The following RAI14 variants were observed in gnomAD, a reference collection of about 807,000 sequenced individuals.
The protein encoded by RAI14 is retinoic acid induced 14, also known as ankycorbin.
Under a neutral mutation model 115.4 loss-of-function variants are expected in RAI14, and 45 were observed. That is an observed-to-expected ratio of 0.39 (90% CI 0.31 to 0.50). RAI14 has a LOEUF of 0.50. Among genes scored for constraint, RAI14 ranks in the 20% least tolerant of loss-of-function variants. The pLI is 0.85. For synonymous variants in RAI14, 371 were observed against 415.4 expected (o/e 0.89, Z 1.30); for missense variants, 939 against 1,131.2 (o/e 0.83, Z 2.44).
intron 2 of RAI14, chr5:34,728,596 G>T (rs144209356): frequency 5.3e-4 from 80 of 152,292 alleles, no homozygotes; most frequent in African/African-American, 1.7e-3. Flanking sequence ...TACCATGTGA[G>T]ATGTGCCTTT....
At chr5:34,808,806 G>A in intron 7 of RAI14, 152 bp downstream of exon 7, 1 of 718,138 alleles carries the variant, frequency 1.4e-6, no homozygotes. Context: ...TTCCATGGAT[G>A]GGGGTGGGGA....
chr5:34,657,140 TG>T (rs1196171876), intron 1 of RAI14: 3 of 149,048 alleles, frequency 2.0e-5, no homozygotes, highest in Non-Finnish European at 4.4e-5. Context: ...GAACGGATGC[TG>T]GAGTTGGGGC....
At chr5:34,756,377 C>T (rs1203087459) in intron 2 of RAI14, among the ~76,000 whole-genome samples, 2 of 152,208 alleles carry the variant, frequency 1.3e-5, no homozygotes, top group African/African-American at 4.8e-5. Flanking sequence ...TTCATCCCTT[C>T]AGAGGCTGCA....
At chr5:34,819,309 G>C (rs997086140) in intron 13 of RAI14, among the ~76,000 whole-genome samples, 1 of 152,138 alleles carries the variant, frequency 6.6e-6, no homozygotes, top group African/African-American at 2.4e-5. Context: ...TTAAGTTACT[G>C]TAGCCTATAT....
chr5:34,684,859 A>G (rs964799179), intron 1 of RAI14: 1 of 152,220 alleles, frequency 6.6e-6, no homozygotes, highest in African/African-American at 2.4e-5. Flanking sequence ...TAACTGTGGT[A>G]AACGTGTGCC....
chr5:34,817,895 T>G (rs1375666015), intron 12 of RAI14, among the ~76,000 whole-genome samples: 1 of 152,212 alleles, frequency 6.6e-6, no homozygotes, highest in Admixed American at 6.5e-5. Context: ...GACTATAGTG[T>G]TGGTTCCATA....
intron 3 of RAI14, among the ~76,000 whole-genome samples, chr5:34,780,065 A>G (rs1267832138): frequency 1.3e-5 from 2 of 152,136 alleles, no homozygotes; most frequent in Non-Finnish European, 2.9e-5. Context: ...CAGAAATAAT[A>G]CTACACATCT....
rs1203596185 is a variant in RAI14, at chr5:34,719,471, G to A, written c.36+32516G>A. On this transcript the variant is annotated intron_variant, in intron 2 of 17. Transcript: ENST00000265109. Reference sequence around the variant, plus strand: ...ATGCCTCTTGATGCAAGGTGGTTCTGGAGAGTATATGGGAACAGAAATCTT... The same window carrying A: ...ATGCCTCTTGATGCAAGGTGGTTCTAGAGAGTATATGGGAACAGAAATCTT... Among the ~76,000 whole-genome samples, 2 of 152,186 alleles carry A rather than the reference G, an allele frequency of 1.3e-5. 1 individual carries two copies. The highest frequency in any genetic ancestry group is 4.1e-4 in the South Asian group (2 of 4,826).
rs541855450 is a variant in RAI14 at position 34,703,991 on chromosome 5, G to A, written c.36+17036G>A. Among the ~76,000 whole-genome samples the A allele has an allele frequency of 4.0e-3, 610 of 152,276 alleles. 2 individuals are homozygous for A. Among genetic ancestry groups the A allele is most frequent in the Admixed American group, 8.6e-3 (132 of 15,284 alleles). On this transcript the variant is annotated intron_variant, in intron 2 of 17. Transcript: ENST00000265109. ...GACCATCAGTATCAGCATACTTGAG[G>A]AATTGTTAGAAATGAACATTGTGGG...
chr5:34,818,244 G>A (rs914931278), intron 12 of RAI14, among the ~76,000 whole-genome samples: 1 of 152,140 alleles, frequency 6.6e-6, no homozygotes, highest in East Asian at 1.9e-4. Flanking sequence ...CAGGGACAAA[G>A]CATTAGAGAA....
chr5:34,821,144 T>G (rs577513682), intron 13 of RAI14, among the ~76,000 whole-genome samples: 1 of 152,310 alleles, frequency 6.6e-6, no homozygotes, highest in South Asian at 2.1e-4. Flanking sequence ...TAAAGGAATT[T>G]GGAGATTATT....
Position 34,741,642 on chromosome 5 carries a change from C to T in RAI14, c.37-15826C>T, listed in dbSNP as rs370892679. On this transcript the variant is annotated intron_variant, in intron 2 of 17. Coordinates refer to ENST00000265109, the MANE Select transcript of RAI14 (RefSeq NM_015577.3). ...CTTATATGGCATGGCCCAGAGGGAG[C>T]GCTGGGCAAAGAGGGATTTAAGGTT... Among the ~76,000 whole-genome samples, 16 of 152,124 alleles carry T rather than the reference C, an allele frequency of 1.1e-4. No individual in the cohort carries two copies. The South Asian group carries it at 1.7e-3, about 16-fold the overall frequency.
intron 2 of RAI14, among the ~76,000 whole-genome samples, chr5:34,706,004 C>T (rs1740662086): frequency 6.6e-6 from 1 of 152,226 alleles, no homozygotes; most frequent in African/African-American, 2.4e-5. Flanking sequence ...TCTCTGTCCT[C>T]TGAAGCTGCT....
rs148853552 is a variant in RAI14 at position 34,823,426 on chromosome 5, G to A, written c.1584G>A (p.Thr528=). Residue 528 remains threonine (T), a synonymous_variant, in exon 15 of 18, where the codon ACG becomes ACA. Transcript: ENST00000265109. The surrounding 1 kb of genome is among the most constrained non-coding windows in gnomAD (Gnocchi z 4.5). ...NYSHFHELRV[T]EEEINVLKQD... is the part of the protein sequence containing the mutation. ...CACATTTCCACGAGCTGAGGGTCAC[G>A]GAAGAGGAAATAAATGTGCTAAAGC... is the stretch of plus-strand genomic sequence containing the variant. 96 of 1,614,046 alleles carry A rather than the reference G, an allele frequency of 5.9e-5. No individual in the cohort carries two copies. In the African/African-American group the frequency reaches 7.7e-4, roughly 13 times the overall value.
intron 13 of RAI14, among the ~76,000 whole-genome samples, chr5:34,821,492 A>G (rs1580365264): frequency 6.6e-6 from 1 of 152,146 alleles, no homozygotes; most frequent in Admixed American, 6.6e-5. Flanking sequence ...AAATTCATCA[A>G]TTTTCAGATT....
Position 34,686,981 on chromosome 5 carries a change from G to A in RAI14, c.36+26G>A, listed in dbSNP as rs745348934. ...GTGAGTATGCGGTGACTCACAGTCT[G>A]GCTGTTCCTTCTTCTCCATGGAGCT... On this transcript the variant is annotated intron_variant, in intron 2 of 17. Coordinates refer to ENST00000265109, the MANE Select transcript of RAI14 (RefSeq NM_015577.3). The A allele has an allele frequency of 5.6e-6, 9 of 1,612,824 alleles. No homozygotes were observed. In the African/African-American group the frequency reaches 1.1e-4, roughly 19 times the overall value.
rs571459533 is a variant in RAI14, at chr5:34,659,980, C to G, written c.-49+3505C>G. 7.3e-5 allele frequency among the ~76,000 whole-genome samples: 11 copies of G among 151,534 alleles called. 1 individual carries two copies. The East Asian group carries it at 2.2e-3, about 30-fold the overall frequency. On this transcript the variant is annotated intron_variant, in intron 1 of 17. Transcript: ENST00000265109. Reference sequence around the variant, plus strand: ...ATTGCTTGAACTCAGGAGTTCAAAACTAGCCTGGGAAACATGGTAAAACCT... The same window carrying G: ...ATTGCTTGAACTCAGGAGTTCAAAAGTAGCCTGGGAAACATGGTAAAACCT...
chr5:34,672,563 T>C (rs1009732858), intron 1 of RAI14, among the ~76,000 whole-genome samples: 55 of 152,286 alleles, frequency 3.6e-4, no homozygotes, highest in African/African-American at 1.3e-3. Context: ...TCTAGCTGCC[T>C]CCATAGCCCA....
At chr5:34,763,489 T>C (rs1301421939) in intron 3 of RAI14, among the ~76,000 whole-genome samples, 1 of 152,224 alleles carries the variant, frequency 6.6e-6, no homozygotes, top group Non-Finnish European at 1.5e-5. Flanking sequence ...TATGCTTAAA[T>C]GTTGTGTTTC....
Sources: gnomAD v4.1 joint callset for allele counts (sites outside exome capture counted in the v4.1 genomes callset) on GRCh38, gnomAD v4.1.1 for gene constraint, Gnocchi (gnomAD v3.1) non-coding constraint, MANE v1.5 for transcripts, NCBI Gene and HGNC (gene_info 2026-07-23, HGNC 2026-07-21) for gene names.